The following PCGF2 variants were observed in gnomAD, a reference collection of about 807,000 sequenced individuals.
PCGF2 encodes the protein polycomb group ring finger 2.
PCGF2 carries 8 observed loss-of-function variants against 36.1 expected under a neutral mutation model. That is an observed-to-expected ratio of 0.22 (90% confidence interval 0.13 to 0.40). The LOEUF (loss-of-function observed/expected upper bound fraction) is 0.40, where lower values mean the gene tolerates loss of function less well. Among genes scored for constraint, PCGF2 ranks in the 10% least tolerant of loss-of-function variants. PCGF2 has a pLI of 1.00. For synonymous variants in PCGF2, 198 were observed against 191.2 expected, an observed-to-expected ratio of 1.04 and a Z score of -0.29; for missense variants, 436 against 475.9, an observed-to-expected ratio of 0.92 and a Z score of 0.78.
Position 38,747,988 on chromosome 17 carries a change from G to C in PCGF2, c.-133-17C>G, listed in dbSNP as rs1249590305. 1 of 152,992 alleles carries C rather than the reference G, an allele frequency of 6.5e-6. No individual in the cohort carries two copies. Among genetic ancestry groups the C allele is most frequent in the Admixed American group, 6.5e-5 (1 of 15,282 alleles). 9.5% of individuals were successfully genotyped at this position (152,992 alleles called of 1,614,324 possible). A position where few individuals can be genotyped will look rare whatever the true frequency, so the allele number is the denominator to read the frequency against. ...TTCGGCCATCTTGGAAGAGAGGAAA[G>C]GGAAAAAGGGACAGAAAAAAGGGAG... On this transcript the variant is annotated splice_polypyrimidine_tract_variant and intron_variant, in intron 1 of 10. Coordinates refer to ENST00000620225, the MANE Select transcript of PCGF2 (RefSeq NM_007144.3).
At chr17:38,749,393 C>T (rs1376489853), upstream of PCGF2, 2 of 294,162 alleles carry the variant, frequency 6.8e-6, no homozygotes, top group Non-Finnish European at 1.4e-5. This position sits in a 1 kb window ranked among gnomAD's most constrained non-coding sequence, Gnocchi z 6.5. Flanking sequence ...GCAGTGGCTC[C>T]GGCAGGAGGG....
In PCGF2 at chr17:38,739,580, G is replaced by A; in HGVS notation, c.209+6C>T. 1.2e-6 allele frequency: 2 copies of A among 1,607,072 alleles called. No homozygotes were observed. Among genetic ancestry groups the A allele is most frequent in the Non-Finnish European group, 1.7e-6 (2 of 1,173,534 alleles). On this transcript the variant is annotated splice_donor_region_variant and intron_variant, in intron 4 of 10. Transcript: ENST00000620225. This position sits in a 1 kb window ranked among gnomAD's most constrained non-coding sequence, Gnocchi z 4.0. ...GCGGGGACAGGAGGTGCCGTGCCAA[G>A]CCCACCTGATGCTCAGCAGCGGCCG...
chr17:38,743,045 G>C (rs190076664), intron 2 of PCGF2, among the ~76,000 whole-genome samples: 1 of 151,252 alleles, frequency 6.6e-6, no homozygotes, highest in African/African-American at 2.4e-5. Context: ...CATCGTGCCC[G>C]AGCCACCTCA....
intron 2 of PCGF2, among the ~76,000 whole-genome samples, chr17:38,740,684 G>A (rs549651383): frequency 2.0e-5 from 3 of 152,104 alleles, no homozygotes; most frequent in Non-Finnish European, 4.4e-5. Flanking sequence ...TCGTGAACCC[G>A]GGAGGCGGAG....
In PCGF2 at chr17:38,735,594, G is replaced by T; in HGVS notation, c.664C>A (p.Pro222Thr). The change falls in exon 11 of 11, where the codon CCT becomes ACT. Residue 222 changes from proline to threonine, a missense_variant. Physicochemically the swap from Pro to Thr is conservative, Grantham distance 38. Transcript: ENST00000620225. ...AYIYPWRRNG[P>T]LPLKYRVQPA... ...TGGACACGGTACTTGAGGGGGAGAG[G>T]CCCGTTCTGCGGGGAGAGTGGGGAG... is the stretch of plus-strand genomic sequence containing the variant. 1.3e-6 allele frequency: 2 copies of T among 1,565,328 alleles called. No homozygotes were observed. The highest frequency in any genetic ancestry group is 1.7e-6 in the Non-Finnish European group (2 of 1,151,670).
At chr17:38,745,288 C>T (rs1366119384) in intron 2 of PCGF2, among the ~76,000 whole-genome samples, 5 of 151,966 alleles carry the variant, frequency 3.3e-5, no homozygotes, top group East Asian at 1.9e-4. Context: ...GCCGAGATTG[C>T]GCCACTGCAC....
chr17:38,741,026 G>A (rs752832353), intron 2 of PCGF2, among the ~76,000 whole-genome samples: 1 of 152,190 alleles, frequency 6.6e-6, no homozygotes, highest in Non-Finnish European at 1.5e-5. Context: ...GCCACAGGAT[G>A]TACTGCCCAA....
At chr17:38,744,321 T>A (rs1907401482) in intron 2 of PCGF2, among the ~76,000 whole-genome samples, 1 of 152,186 alleles carries the variant, frequency 6.6e-6, no homozygotes, top group South Asian at 2.1e-4. Context: ...TAAAGACCCC[T>A]GCTAAGAAAA....
chr17:38,749,372 G>C (rs927398328), upstream of PCGF2: 3 of 257,176 alleles, frequency 1.2e-5, no homozygotes, highest in Non-Finnish European at 2.5e-5. The surrounding 1 kb of genome is among the most constrained non-coding windows in gnomAD (Gnocchi z 6.5). Flanking sequence ...CTGGCGCTGG[G>C]GCTCCGGTCC....
In PCGF2 at chr17:38,738,354, T is replaced by G; in HGVS notation, c.575A>C (p.Lys192Thr). The G allele has an allele frequency of 4.3e-6, 7 of 1,613,084 alleles. No homozygotes were observed. The highest frequency in any genetic ancestry group is 5.9e-6 in the Non-Finnish European group (7 of 1,179,014). ...RNKMDVPSKY[K>T]VEVLYEDEPL... Reference sequence around the variant, plus strand: ...TTTTTGAAAGGCCCAGGGACCCACCTTGTACTTGCTGGGCACATCCATCTT... The same window carrying G: ...TTTTTGAAAGGCCCAGGGACCCACCGTGTACTTGCTGGGCACATCCATCTT... Residue 192 changes from lysine (K) to threonine (T), a missense_variant and splice_region_variant, in exon 9 of 11, where the codon AAG becomes ACG. By Grantham distance (78) the Lys-to-Thr change is moderately conservative. Transcript: ENST00000620225.
intron 2 of PCGF2, among the ~76,000 whole-genome samples, chr17:38,747,331 A>T (rs1907599662): frequency 6.6e-6 from 1 of 152,042 alleles, no homozygotes; most frequent in South Asian, 2.1e-4. Context: ...TCCCAGGGGA[A>T]GGGGGGCCAG....
At chr17:38,742,321 C>T (rs955846750) in intron 2 of PCGF2, among the ~76,000 whole-genome samples, 2 of 152,212 alleles carry the variant, frequency 1.3e-5, no homozygotes, top group African/African-American at 4.8e-5. Flanking sequence ...TCTAAAGCCA[C>T]CACACTGAGT....
chr17:38,737,896 G>A (rs1299006127), intron 9 of PCGF2, among the ~76,000 whole-genome samples: 1 of 131,356 alleles, frequency 7.6e-6, no homozygotes, highest in East Asian at 2.1e-4. Flanking sequence ...TGGTGACAGA[G>A]CAAGACTCCA....
Position 38,735,115 on chromosome 17 carries a change from C to T in PCGF2, c.*108G>A. 2 of 871,184 alleles carry T rather than the reference C, an allele frequency of 2.3e-6. No homozygotes were observed. The highest frequency in any genetic ancestry group is 4.7e-5 in the South Asian group (1 of 21,400). 54.0% of individuals were successfully genotyped at this position (871,184 alleles called of 1,614,324 possible). On this transcript the variant is annotated 3_prime_UTR_variant, in exon 11 of 11. Transcript: ENST00000620225. ...TTTATTTATAAAACCCGCCCCCCAC[C>T]CCCAAGGTGGGAAGAGCTGGGGAAA... is the stretch of plus-strand genomic sequence containing the variant.
intron 7 of PCGF2, 52 bp from the exon 8 acceptor site, chr17:38,738,647 C>G: frequency 1.3e-6 from 2 of 1,555,150 alleles, no homozygotes; most frequent in African/African-American, 2.7e-5. Flanking sequence ...AACCAGGAGA[C>G]CCAGGAGGAT....
At chr17:38,735,733 G>T in intron 10 of PCGF2, 133 bp from the exon 11 acceptor site, 1 of 1,237,114 alleles carries the variant, frequency 8.1e-7, no homozygotes, top group Non-Finnish European at 1.1e-6. Context: ...CCTTGGAGAG[G>T]AGAGAGACAA....
upstream of PCGF2, chr17:38,749,746 GC>G (rs1396849905): frequency 2.2e-6 from 1 of 453,962 alleles, no homozygotes; most frequent in Non-Finnish European, 4.4e-6. The surrounding 1 kb of genome is among the most constrained non-coding windows in gnomAD (Gnocchi z 6.5). Flanking sequence ...GAATGCTTTC[GC>G]CCTCTGGCCG....
chr17:38,749,376 C>T (rs1290009667), upstream of PCGF2: 2 of 259,298 alleles, frequency 7.7e-6, no homozygotes, highest in Non-Finnish European at 1.6e-5. This position sits in a 1 kb window ranked among gnomAD's most constrained non-coding sequence, Gnocchi z 6.5. Flanking sequence ...CGCTGGGGCT[C>T]CGGTCCGCAG....
intron 2 of PCGF2, among the ~76,000 whole-genome samples, chr17:38,741,102 C>G (rs1330831209): frequency 2.0e-5 from 3 of 151,780 alleles, no homozygotes; most frequent in Non-Finnish European, 4.4e-5. Flanking sequence ...TCTTTCCAAT[C>G]CCAAGTCGGG....
Sources: allele counts gnomAD v4.1 joint callset (sites outside exome capture counted in the v4.1 genomes callset), GRCh38; gene constraint gnomAD v4.1.1; non-coding constraint Gnocchi (gnomAD v3.1); transcripts MANE v1.5; gene names NCBI Gene and HGNC (gene_info 2026-07-23, HGNC 2026-07-21).